SYTL3: variants seen among roughly 807,000 people sequenced by gnomAD.
The protein encoded by SYTL3 is synaptotagmin-like protein 3.
A neutral mutation model predicts 82.1 loss-of-function variants in SYTL3; 88 were observed. The observed-to-expected ratio is 1.07, with a 90% CI of 0.90 to 1.28. SYTL3 has a LOEUF of 1.28. Among genes scored for constraint, SYTL3 ranks in the 50% most tolerant of loss-of-function variants. SYTL3 has a pLI of 0.00. For synonymous variants in SYTL3, 311 were observed against 289.4 expected, an observed-to-expected ratio of 1.07 and a Z score of -0.76; for missense variants, 831 against 757.6, an observed-to-expected ratio of 1.10 and a Z score of -1.14.
Position 158,745,640 on chromosome 6 carries a change from A to G in SYTL3, c.1016A>G (p.Lys339Arg). ...AAGAACCTTGCCTATGGAGAAGAAA[A>G]GAAGAAAAAGTGCAATCCGTAAGTT... ...ACKNLAYGEE[K>R]KKKCNPYVKT... The change falls in exon 12 of 18, where the codon AAG (lysine) becomes AGG (arginine). Residue 339 changes from lysine to arginine, a missense_variant. Physicochemically the swap from Lys to Arg is conservative, Grantham distance 26. Coordinates refer to ENST00000611299, the MANE Select transcript of SYTL3 (RefSeq NM_001242394.2). The G allele has an allele frequency of 6.2e-7, 1 of 1,600,250 alleles. No individual in the cohort carries two copies. Among genetic ancestry groups the G allele is most frequent in the Non-Finnish European group, 8.5e-7 (1 of 1,175,594 alleles).
chr6:158,652,729 A>G (rs1788185010), intron 2 of SYTL3, among the ~76,000 whole-genome samples: 1 of 151,774 alleles, frequency 6.6e-6, no homozygotes, highest in Non-Finnish European at 1.5e-5. Flanking sequence ...TTTAGTAAAG[A>G]CAGGGTTTCA....
chr6:158,728,350 GA>G (rs903698021), intron 11 of SYTL3, among the ~76,000 whole-genome samples: 14 of 146,986 alleles, frequency 9.5e-5, no homozygotes, highest in South Asian at 8.6e-4. Context: ...AAAAAAAAAA[GA>G]AAAAAAAAGA....
intron 5 of SYTL3, among the ~76,000 whole-genome samples, chr6:158,680,706 C>T (rs1259803767): frequency 1.3e-5 from 2 of 151,834 alleles, no homozygotes; most frequent in South Asian, 2.1e-4. Context: ...GAGCTGAGAT[C>T]GCGCCACTGC....
At chr6:158,737,229 A>G (rs1236581501) in intron 11 of SYTL3, among the ~76,000 whole-genome samples, 1 of 152,162 alleles carries the variant, frequency 6.6e-6, no homozygotes, top group African/African-American at 2.4e-5. Flanking sequence ...CATTTTACAG[A>G]TGAGGAAGCT....
intron 3 of SYTL3, among the ~76,000 whole-genome samples, chr6:158,662,120 GA>G: frequency 6.6e-6 from 1 of 152,268 alleles, no homozygotes; most frequent in Non-Finnish European, 1.5e-5. Flanking sequence ...ATATAATGCA[GA>G]TTTTTTTTGA....
intron 9 of SYTL3, among the ~76,000 whole-genome samples, chr6:158,716,256 C>T (rs1583345669): frequency 6.6e-6 from 1 of 152,188 alleles, no homozygotes; most frequent in Admixed American, 6.5e-5. Flanking sequence ...CCTTTGTCCC[C>T]TAATAATACT....
chr6:158,688,789 G>A (rs997467795), intron 6 of SYTL3, among the ~76,000 whole-genome samples: 2 of 152,080 alleles, frequency 1.3e-5, no homozygotes, highest in African/African-American at 2.4e-5. Flanking sequence ...ATATGTGTGT[G>A]TATACACACA....
chr6:158,646,644 G>C (rs6903460), upstream of SYTL3, among the ~76,000 whole-genome samples: 44,843 of 152,102 alleles, frequency 0.29, 7,215 homozygotes, highest in East Asian at 0.67. Flanking sequence ...CTGGGTGTTC[G>C]GCCTGAGCGA....
chr6:158,710,608 A>G (rs946230484), intron 8 of SYTL3, among the ~76,000 whole-genome samples: 1 of 152,216 alleles, frequency 6.6e-6, no homozygotes, highest in Non-Finnish European at 1.5e-5. Flanking sequence ...TGAACTACAC[A>G]GCATAGCAAA....
chr6:158,744,622 C>T (rs1021573949), intron 11 of SYTL3, among the ~76,000 whole-genome samples: 1 of 152,120 alleles, frequency 6.6e-6, no homozygotes, highest in Non-Finnish European at 1.5e-5. Flanking sequence ...CCCGGCACTC[C>T]CATGCTTGTT....
rs994774388 is a variant in SYTL3 at position 158,757,347 on chromosome 6, C to T, written c.1274C>T (p.Thr425Ile). 1.2e-6 allele frequency: 2 copies of T among 1,613,956 alleles called. No individual in the cohort carries two copies. The highest frequency in any genetic ancestry group is 2.7e-5 in the African/African-American group (2 of 74,902). Residue 425 changes from threonine to isoleucine, a missense_variant, in exon 14 of 18, where the codon ACA (threonine) becomes ATA (isoleucine). Thr to Ile is a moderately conservative substitution (Grantham distance 89, BLOSUM62 -1). Coordinates refer to ENST00000611299, the MANE Select transcript of SYTL3 (RefSeq NM_001242394.2). ...LATWDFEDST[T>I]QSFRWHPLRA... is the part of the protein sequence containing the mutation. ...ACGTGGGACTTTGAAGACAGCACAA[C>T]ACAGTCCTTCCGCTGGCATCCGCTC...
intron 12 of SYTL3, among the ~76,000 whole-genome samples, chr6:158,749,390 G>GAAAAAAAAAA (rs1167978441): frequency 3.8e-5 from 2 of 52,140 alleles, no homozygotes; most frequent in Non-Finnish European, 7.3e-5. Flanking sequence ...GACTCTGTCT[G>GAAAAAAAAAA]AAAAAAAAAA....
At chr6:158,653,875 G>T (rs1413896810) in intron 2 of SYTL3, among the ~76,000 whole-genome samples, 1 of 152,184 alleles carries the variant, frequency 6.6e-6, no homozygotes, top group African/African-American at 2.4e-5. Flanking sequence ...TATTTCCTTT[G>T]ATCTGATGAC....
At chr6:158,742,945 G>A (rs909976707) in intron 11 of SYTL3, among the ~76,000 whole-genome samples, 1 of 152,206 alleles carries the variant, frequency 6.6e-6, no homozygotes, top group East Asian at 1.9e-4. Flanking sequence ...TTCAGCAAAC[G>A]CCTTGAGGAA....
At chr6:158,664,707 C>G (rs1214468939) in intron 4 of SYTL3, among the ~76,000 whole-genome samples, 1 of 152,106 alleles carries the variant, frequency 6.6e-6, no homozygotes, top group Admixed American at 6.5e-5. Flanking sequence ...GGTACTAATT[C>G]TAGGGTAGAT....
chr6:158,745,643 A>G lies in SYTL3; in HGVS notation c.1019A>G (p.Lys340Arg). ...CKNLAYGEEK[K>R]KKCNPYVKTY... ...AACCTTGCCTATGGAGAAGAAAAGA[A>G]GAAAAAGTGCAATCCGTAAGTTGTT... Residue 340 changes from lysine (K) to arginine (R), a missense_variant, in exon 12 of 18, where the codon AAG (lysine) becomes AGG (arginine). Transcript: ENST00000611299. The G allele has an allele frequency of 1.3e-6, 2 of 1,599,918 alleles. No homozygotes were observed. The highest frequency in any genetic ancestry group is 8.5e-7 in the Non-Finnish European group (1 of 1,175,528).
chr6:158,688,089 A>G (rs1464988947), intron 6 of SYTL3, among the ~76,000 whole-genome samples: 2 of 152,184 alleles, frequency 1.3e-5, no homozygotes, highest in South Asian at 4.1e-4. Context: ...ACATTTTCCT[A>G]TGTTATTAAG....
At chr6:158,673,630 G>A (rs532229946) in intron 5 of SYTL3, among the ~76,000 whole-genome samples, 414 of 150,934 alleles carry the variant, frequency 2.7e-3, no homozygotes, top group African/African-American at 9.3e-3. Flanking sequence ...TAGTAGAGAC[G>A]GGGTTTCACC....
chr6:158,686,877 T>C (rs2128413946), intron 6 of SYTL3, among the ~76,000 whole-genome samples: 1 of 152,306 alleles, frequency 6.6e-6, no homozygotes, highest in East Asian at 1.9e-4. Context: ...TCCCTCCTCC[T>C]GGCCCTGGTC....
Sources: gnomAD v4.1 joint callset for allele counts (sites outside exome capture counted in the v4.1 genomes callset) on GRCh38, gnomAD v4.1.1 for gene constraint, MANE v1.5 for transcripts, NCBI Gene and HGNC (gene_info 2026-07-23, HGNC 2026-07-21) for gene names.